Variants in SOS1 observed in about 807,000 individuals in gnomAD.
SOS1 encodes the protein son of sevenless homolog 1.
A neutral mutation model predicts 157.6 loss-of-function variants in SOS1; 25 were observed. The observed-to-expected ratio is 0.16, with a 90% CI of 0.12 to 0.22. SOS1 has a LOEUF of 0.22. SOS1 is among the 10% of genes least tolerant of loss of function. SOS1 has a pLI of 1.00. For missense variants in SOS1, 1,237 were observed against 1,599.1 expected, an observed-to-expected ratio of 0.77 and a Z score of 3.86; for synonymous variants, 528 against 534.0, an observed-to-expected ratio of 0.99 and a Z score of 0.16.
At chr2:39,101,323 G>A (rs1315141500) in intron 1 of SOS1, among the ~76,000 whole-genome samples, 3 of 152,066 alleles carry the variant, frequency 2.0e-5, no homozygotes, top group Non-Finnish European at 4.4e-5. Context: ...TTCCCACCAG[G>A]CCCCCACTGT....
At chr2:39,094,514 C>T (rs749748883) in intron 1 of SOS1, among the ~76,000 whole-genome samples, 6 of 151,942 alleles carry the variant, frequency 3.9e-5, no homozygotes, top group Non-Finnish European at 5.9e-5. Flanking sequence ...GGTGTGGTGG[C>T]GAGAGCCTGT....
At chr2:39,109,124 AG>A (rs1673319205) in intron 1 of SOS1, among the ~76,000 whole-genome samples, 1 of 152,190 alleles carries the variant, frequency 6.6e-6, no homozygotes, top group Non-Finnish European at 1.5e-5. Context: ...GCTGGACCCC[AG>A]GAAGTTGGGG....
At position 39,058,741 on chromosome 2, in the gene SOS1, C is replaced by A; in HGVS notation, c.277G>T (p.Ala93Ser). 2 of 1,612,074 alleles carry A rather than the reference C, an allele frequency of 1.2e-6. No homozygotes were observed. Among genetic ancestry groups the A allele is most frequent in the Non-Finnish European group, 8.5e-7 (1 of 1,178,442 alleles). Residue 93 changes from alanine to serine, a missense_variant, in exon 3 of 23, where the codon GCT becomes TCT. Transcript: ENST00000402219. Reference sequence around the variant, plus strand: ...TTTCTTCGCTTCCTCTTTTCAATAGCTGATTGGGCATCAGCTATTGCCCAT... The same window carrying A: ...TTTCTTCGCTTCCTCTTTTCAATAGATGATTGGGCATCAGCTATTGCCCAT... ...DKWAIADAQSAIEKRKRRNPL... is the reference protein window; with the variant it reads ...DKWAIADAQSSIEKRKRRNPL...
chr2:39,033,116 GC>G (rs566631377), intron 8 of SOS1, among the ~76,000 whole-genome samples: 119 of 148,060 alleles, frequency 8.0e-4, no homozygotes, highest in African/African-American at 2.5e-3. Flanking sequence ...TTTTGCCCAG[GC>G]TGAAGTGCAA....
At chr2:39,063,815 T>C (rs1445855718) in intron 2 of SOS1, among the ~76,000 whole-genome samples, 2 of 152,094 alleles carry the variant, frequency 1.3e-5, no homozygotes, top group East Asian at 1.9e-4. Flanking sequence ...GCAAAGTGTA[T>C]TCTTTAAACA....
chr2:39,111,432 T>C (rs760831489), intron 1 of SOS1, among the ~76,000 whole-genome samples: 12 of 152,204 alleles, frequency 7.9e-5, no homozygotes, highest in Non-Finnish European at 1.6e-4. Flanking sequence ...AAAAACTTTA[T>C]CACAAGACAA....
intron 8 of SOS1, among the ~76,000 whole-genome samples, chr2:39,027,316 C>T (rs997375305): frequency 6.6e-6 from 1 of 152,176 alleles, no homozygotes; most frequent in African/African-American, 2.4e-5. Context: ...ATTTTACATA[C>T]AGAATATTCT....
chr2:39,014,278 G>A (rs550698833), intron 11 of SOS1, among the ~76,000 whole-genome samples: 63 of 152,072 alleles, frequency 4.1e-4, no homozygotes, highest in African/African-American at 1.5e-3. Context: ...TAAAGTTACG[G>A]GACTGATATT....
Position 39,035,198 on chromosome 2 carries a change from A to T in SOS1, c.1074+14T>A, listed in dbSNP as rs978324140. 3.2e-6 allele frequency: 5 copies of T among 1,568,828 alleles called. No individual in the cohort carries two copies. The Admixed American group carries it at 5.0e-5, about 16-fold the overall frequency. On this transcript the variant is annotated intron_variant, in intron 8 of 22. Coordinates refer to ENST00000402219, the MANE Select transcript of SOS1 (RefSeq NM_005633.4). Reference sequence around the variant, plus strand: ...CTTGAATATGTTACAAATAACAATAAAGAGTTTTCTTACCTTCAAAAGTTC... The same window carrying T: ...CTTGAATATGTTACAAATAACAATATAGAGTTTTCTTACCTTCAAAAGTTC...
intron 1 of SOS1, chr2:39,098,329 CT>C: frequency 7.7e-6 from 2 of 261,272 alleles, no homozygotes; most frequent in East Asian, 1.1e-4. Context: ...GCTTACAATA[CT>C]TTTCCTTGAG....
chr2:39,029,221 AT>A (rs1249594032), intron 8 of SOS1, among the ~76,000 whole-genome samples: 4 of 152,238 alleles, frequency 2.6e-5, no homozygotes, highest in Non-Finnish European at 5.9e-5. Context: ...ACCCTAAAAA[AT>A]GTTACGATAT....
chr2:39,063,351 G>GT (rs1256341391), intron 2 of SOS1, among the ~76,000 whole-genome samples: 1 of 151,002 alleles, frequency 6.6e-6, no homozygotes, highest in Non-Finnish European at 1.5e-5. Flanking sequence ...TGGGAGGGGT[G>GT]TTCATTAGTT....
Position 39,003,066 on chromosome 2 carries a change from C to CAAAAAAAAAACAA in SOS1, c.2791+3345_2791+3346insTTGTTTTTTTTTT, listed in dbSNP as rs376161311. Reference sequence around the variant, plus strand: ...TGGGTGATAAAGTGAGACCTTGTATCAAAAAAAAAAAAGAACGTAGGGGTA... The same window carrying CAAAAAAAAAACAA: ...TGGGTGATAAAGTGAGACCTTGTATCAAAAAAAAAACAAAAAAAAAAAAAAGAACGTAGGGGTA... On this transcript the variant is annotated intron_variant, in intron 17 of 22. Coordinates refer to ENST00000402219, the MANE Select transcript of SOS1 (RefSeq NM_005633.4). Among the ~76,000 whole-genome samples the CAAAAAAAAAACAA allele has an allele frequency of 8.3e-4, 60 of 72,310 alleles. 1 individual carries two copies. The highest frequency in any genetic ancestry group is 1.4e-3 in the Non-Finnish European group (42 of 30,444). The allele number at this position is 72,310 out of a possible 152,430, so 47.4% of individuals were successfully genotyped here.
chr2:39,091,146 G>C (rs1001984351), intron 1 of SOS1, among the ~76,000 whole-genome samples: 1 of 152,194 alleles, frequency 6.6e-6, no homozygotes, highest in African/African-American at 2.4e-5. Flanking sequence ...TGGGATTACA[G>C]GTATGAGCCA....
intron 8 of SOS1, among the ~76,000 whole-genome samples, chr2:39,027,597 A>G (rs1185480365): frequency 1.3e-5 from 2 of 152,210 alleles, no homozygotes; most frequent in Non-Finnish European, 2.9e-5. Context: ...CTACAGAGAC[A>G]AAGCAGTGGC....
chr2:39,054,743 T>G lies in SOS1; in HGVS notation c.591A>C (p.Gly197=). The G allele has an allele frequency of 6.3e-7, 1 of 1,594,458 alleles. No individual in the cohort carries two copies. The highest frequency in any genetic ancestry group is 8.6e-7 in the Non-Finnish European group (1 of 1,162,124). ...SLTDEEPSTS[G]EQTYYDLVKA... ...TTACCAAATCATAGTAAGTTTGTTC[T>G]CCTGAGGTGGAAGGCTCTTCGTCAG... The change falls in exon 5 of 23, where the codon GGA becomes GGC. Residue 197 remains glycine (G), a synonymous_variant. Transcript: ENST00000402219.
At chr2:39,059,446 A>T (rs1248201311) in intron 2 of SOS1, among the ~76,000 whole-genome samples, 2 of 152,198 alleles carry the variant, frequency 1.3e-5, no homozygotes, top group East Asian at 3.8e-4. Context: ...ATCACAGCTG[A>T]ATTTCCTTCC....
intron 16 of SOS1, among the ~76,000 whole-genome samples, chr2:39,006,826 G>C (rs1226968023): frequency 6.6e-6 from 1 of 152,086 alleles, no homozygotes; most frequent in Admixed American, 6.5e-5. Flanking sequence ...TCTAGCTTAG[G>C]CTGGGACCTG....
intron 9 of SOS1, 52 bp downstream of exon 9, chr2:39,023,958 A>G: frequency 7.4e-7 from 1 of 1,349,756 alleles, no homozygotes; most frequent in Non-Finnish European, 1.1e-6. Flanking sequence ...CCCTGAATTT[A>G]CACCACAATA....
Sources: allele counts gnomAD v4.1 joint callset (sites outside exome capture counted in the v4.1 genomes callset), GRCh38; gene constraint gnomAD v4.1.1; transcripts MANE v1.5; gene names NCBI Gene and HGNC (gene_info 2026-07-23, HGNC 2026-07-21).